UCK1: variants seen among roughly 807,000 people sequenced by gnomAD.
The protein encoded by UCK1 is uridine-cytidine kinase 1.
UCK1 carries 20 observed loss-of-function variants against 34.0 expected under a neutral mutation model. The ratio of observed to expected loss-of-function variants is 0.59; its 90% CI spans 0.41 to 0.86. The LOEUF (loss-of-function observed/expected upper bound fraction) is 0.86. UCK1 is among the 40% of genes least tolerant of loss of function. The probability of loss-of-function intolerance (pLI) is 0.00; values close to 1 mark genes in which losing one functional copy is unlikely to be tolerated. For synonymous variants in UCK1, 168 were observed against 155.9 expected (o/e 1.08, Z -0.58); for missense variants, 343 against 383.6 (o/e 0.89, Z 0.88).
At chr9:131,526,413 T>A (rs1285853593) in intron 5 of UCK1, 2 of 1,294,324 alleles carry the variant, frequency 1.5e-6, no homozygotes, top group Middle Eastern at 2.1e-4. Context: ...CGTGCATAAT[T>A]ACTGCAGGCA....
intron 5 of UCK1, 85 bp downstream of exon 5, chr9:131,528,859 C>T (rs1384796202): frequency 6.6e-7 from 1 of 1,510,540 alleles, no homozygotes; most frequent in Non-Finnish European, 9.0e-7. Context: ...TCACTGTCAC[C>T]CAGCACTAAG....
Position 131,525,164 on chromosome 9 carries a change from T to C in UCK1, c.710A>G (p.Lys237Arg), listed in dbSNP as rs1191413950. The change falls in exon 7 of 7, where the codon AAA (lysine) becomes AGA (arginine). Residue 237 changes from lysine (K) to arginine (R), a missense_variant. Coordinates refer to ENST00000372215, the MANE Select transcript of UCK1 (RefSeq NM_031432.5). ...IQDILNGDICKWHRGGSNGRS... is the reference protein window; with the variant it reads ...IQDILNGDICRWHRGGSNGRS... ...CCCATTGGACCCTCCTCGGTGCCAT[T>C]TGCAGATGTCACCATTCAGAATGTC... 1 of 1,614,130 alleles carries C rather than the reference T, an allele frequency of 6.2e-7. No individual in the cohort carries two copies. The highest frequency in any genetic ancestry group is 1.7e-5 in the Admixed American group (1 of 60,022).
chr9:131,529,409 G>A (rs1034428997), intron 3 of UCK1, 79 bp downstream of exon 3: 52 of 1,598,740 alleles, frequency 3.3e-5, no homozygotes, highest in Non-Finnish European at 3.9e-5. Context: ...GAGGCCTGCC[G>A]CCAGGCAGGT....
chr9:131,529,793 T>C (rs1950759953), intron 2 of UCK1, among the ~76,000 whole-genome samples: 1 of 152,032 alleles, frequency 6.6e-6, no homozygotes, highest in Admixed American at 6.5e-5. Flanking sequence ...TCCTTGCTGT[T>C]CTCGGGCTGT....
intron 2 of UCK1, 43 bp downstream of exon 2, chr9:131,530,443 G>C (rs1229305100): frequency 1.2e-6 from 2 of 1,605,582 alleles, no homozygotes; most frequent in Non-Finnish European, 1.7e-6. Context: ...CGGCCGCCCA[G>C]AATGGGGTCT....
chr9:131,527,547 G>A (rs1372530978), intron 5 of UCK1, among the ~76,000 whole-genome samples: 1 of 151,874 alleles, frequency 6.6e-6, no homozygotes, highest in Non-Finnish European at 1.5e-5. Flanking sequence ...ATTTCAGACA[G>A]CATGAATGCA....
chr9:131,528,321 C>T (rs980460996), intron 5 of UCK1, among the ~76,000 whole-genome samples: 2 of 152,204 alleles, frequency 1.3e-5, no homozygotes, highest in African/African-American at 4.8e-5. Flanking sequence ...AGCCACGAGT[C>T]CCACCAAGCC....
intron 1 of UCK1, 119 bp from the exon 2 acceptor site, chr9:131,530,764 G>T: frequency 6.4e-7 from 1 of 1,569,468 alleles, no homozygotes; most frequent in Non-Finnish European, 8.7e-7. Flanking sequence ...AAGGCGGGAG[G>T]ACACCAACAG....
At chr9:131,530,935 C>T in intron 1 of UCK1, 132 bp downstream of exon 1, 1 of 971,662 alleles carries the variant, frequency 1.0e-6, no homozygotes, top group Non-Finnish European at 1.4e-6. Flanking sequence ...TCGCGGCCTG[C>T]AGCCCCTTCG....
intron 5 of UCK1, chr9:131,526,321 A>G (rs1950602238): frequency 1.0e-6 from 1 of 976,550 alleles, no homozygotes; most frequent in East Asian, 4.3e-5. Flanking sequence ...TAAGTGTGGC[A>G]CTTCTACAAA....
At chr9:131,527,154 C>CAAA (rs34625466) in intron 5 of UCK1, among the ~76,000 whole-genome samples, 1 of 126,776 alleles carries the variant, frequency 7.9e-6, no homozygotes, top group African/African-American at 3.0e-5. Flanking sequence ...CCCGTCTGTG[C>CAAA]AAAAAAAAAA....
At chr9:131,525,289 C>CA in intron 6 of UCK1, 68 bp from the exon 7 acceptor site, 1 of 1,600,646 alleles carries the variant, frequency 6.2e-7, no homozygotes, top group South Asian at 1.1e-5. Flanking sequence ...CCCCTCCCCG[C>CA]AGCACTCGGC....
rs760088881 is a variant in UCK1, at chr9:131,524,944, G to A, written c.*96C>T. 30 of 1,443,412 alleles carry A rather than the reference G, an allele frequency of 2.1e-5. No homozygotes were observed. The highest frequency in any genetic ancestry group is 2.6e-5 in the Non-Finnish European group (28 of 1,070,204). The allele number at this position is 1,443,412 out of a possible 1,614,324, so 89.4% of individuals were successfully genotyped here. ...CGCTGCTAACACTCCCCTGGGGTGC[G>A]CCGAGAGGAAGCAGTGGGTGTGGGT... On this transcript the variant is annotated 3_prime_UTR_variant, in exon 7 of 7. Coordinates refer to ENST00000372215, the MANE Select transcript of UCK1 (RefSeq NM_031432.5).
rs189473964 is a variant in UCK1, at chr9:131,529,283, C to T, written c.366-13G>A. ...GGTCTCTGGTAACCTGAGGGGCGCA[C>T]GGGGAAAGGGGCTCTGCTGCAGACA... On this transcript the variant is annotated splice_polypyrimidine_tract_variant and intron_variant, in intron 3 of 6. Transcript: ENST00000372215. 3.1e-3 allele frequency: 5,042 copies of T among 1,613,828 alleles called. 11 individuals carry two copies. The highest frequency in any genetic ancestry group is 4.0e-3 in the Non-Finnish European group (4,756 of 1,179,886).
At chr9:131,526,573 A>T in intron 5 of UCK1, 15 of 1,208,714 alleles carry the variant, frequency 1.2e-5, no homozygotes, top group East Asian at 5.7e-5. Context: ...CCGCAGCCAG[A>T]TGGTGGGGGT....
At position 131,529,841 on chromosome 9, in the gene UCK1, C is replaced by G. The variant is rs534891145; in HGVS notation, c.269-257G>C. 3.9e-5 allele frequency among the ~76,000 whole-genome samples: 6 copies of G among 152,362 alleles called. No individual in the cohort carries two copies. The East Asian group carries it at 1.2e-3, about 29-fold the overall frequency. ...GCTCTGTGCCCCTGAGATGCCGGAA[C>G]ACAGGGGTTTTCTGATCAGCTCTTC... On this transcript the variant is annotated intron_variant, in intron 2 of 6. Transcript: ENST00000372215.
chr9:131,524,888 C>A lies in UCK1; in HGVS notation c.*152G>T. The stretch of plus-strand genomic sequence containing the variant: ...AGCAAGTTGAGTCTGAGTGACACAT[C>A]TGAGTTTCCACTCCTGAGTGAGGAA... On this transcript the variant is annotated 3_prime_UTR_variant, in exon 7 of 7. Coordinates refer to ENST00000372215, the MANE Select transcript of UCK1 (RefSeq NM_031432.5). 3.4e-6 allele frequency: 3 copies of A among 894,700 alleles called. No individual in the cohort carries two copies. Among genetic ancestry groups the A allele is most frequent in the Non-Finnish European group, 4.9e-6 (3 of 611,692 alleles). 55.4% of individuals were successfully genotyped at this position (894,700 alleles called of 1,614,324 possible).
chr9:131,527,312 AG>A (rs1405705158), intron 5 of UCK1, among the ~76,000 whole-genome samples: 27 of 152,252 alleles, frequency 1.8e-4, no homozygotes, highest in Non-Finnish European at 3.5e-4. Flanking sequence ...TGGGTGGCAG[AG>A]GGAGACCCTG....
chr9:131,525,047 G>T lies in UCK1; in HGVS notation c.827C>A (p.Pro276His). 1 of 1,610,136 alleles carries T rather than the reference G, an allele frequency of 6.2e-7. No individual in the cohort carries two copies. The highest frequency in any genetic ancestry group is 8.5e-7 in the Non-Finnish European group (1 of 1,177,756). Residue 276 changes from proline to histidine, a missense_variant, in exon 7 of 7, where the codon CCC becomes CAC. Pro to His is a moderately conservative substitution (Grantham distance 77). Transcript: ENST00000372215. ...KRSHLESSSR[P>H]H ...CTGAGGCTCGGCAGCCCCTCAGTGG[G>T]GTCTGCTGCTGGACTCCAAATGTGA...
Sources: allele counts gnomAD v4.1 joint callset (sites outside exome capture counted in the v4.1 genomes callset), GRCh38; gene constraint gnomAD v4.1.1; transcripts MANE v1.5; gene names NCBI Gene and HGNC (gene_info 2026-07-23, HGNC 2026-07-21).